AKAP6: variants seen among roughly 807,000 people sequenced by gnomAD.
The protein encoded by AKAP6 is A-kinase anchoring protein 6, also known as A-kinase anchor protein 6.
AKAP6 carries 58 observed loss-of-function variants against 188.5 expected under a neutral mutation model. The observed-to-expected ratio is 0.31, with a 90% CI of 0.25 to 0.38. AKAP6 has a LOEUF of 0.38. Ranked by LOEUF, AKAP6 falls within the 10% of genes least tolerant of loss-of-function variation. The pLI is 1.00. For synonymous variants in AKAP6, 989 were observed against 998.6 expected, an observed-to-expected ratio of 0.99 and a Z score of 0.18; for missense variants, 2,710 against 2,740.0, an observed-to-expected ratio of 0.99 and a Z score of 0.24.
intron 1 of AKAP6, among the ~76,000 whole-genome samples, chr14:32,338,958 GAGA>G (rs1174408526): frequency 7.2e-5 from 11 of 152,112 alleles, no homozygotes; most frequent in Non-Finnish European, 1.5e-4. Context: ...GAGCTTTTAA[GAGA>G]AGAACTCTTT....
chr14:32,427,403 T>C (rs1036725139), intron 1 of AKAP6, among the ~76,000 whole-genome samples: 1 of 152,170 alleles, frequency 6.6e-6, no homozygotes, highest in Non-Finnish European at 1.5e-5. Context: ...TAAGTACAGA[T>C]TTAACTTAAT....
At chr14:32,804,549 A>T (rs2034038929) in intron 12 of AKAP6, among the ~76,000 whole-genome samples, 1 of 152,230 alleles carries the variant, frequency 6.6e-6, no homozygotes, top group Non-Finnish European at 1.5e-5. Flanking sequence ...AGGGAACAGG[A>T]CAAAAGGCAA....
At chr14:32,716,665 T>TTATCTATC (rs59039609) in intron 9 of AKAP6, among the ~76,000 whole-genome samples, 46,316 of 143,288 alleles carry the variant, frequency 0.32, 7,649 homozygotes, top group Non-Finnish European at 0.33. Flanking sequence ...ATGGTATACA[T>TTATCTATC]TATCTATCTA....
At chr14:32,407,611 C>T (rs1889339727) in intron 1 of AKAP6, among the ~76,000 whole-genome samples, 1 of 152,202 alleles carries the variant, frequency 6.6e-6, no homozygotes, top group African/African-American at 2.4e-5. Flanking sequence ...TTCAGTTTCT[C>T]TGCTTCTTCC....
At chr14:32,612,930 A>C (rs1886414165) in intron 7 of AKAP6, among the ~76,000 whole-genome samples, 1 of 152,212 alleles carries the variant, frequency 6.6e-6, no homozygotes, top group African/African-American at 2.4e-5. Flanking sequence ...ATTGACATAA[A>C]TTCAAAGGGC....
Position 32,546,231 on chromosome 14 carries a change from C to T in AKAP6, c.1578C>T (p.Ser526=). 1.2e-6 allele frequency: 2 copies of T among 1,614,136 alleles called. No individual in the cohort carries two copies. The highest frequency in any genetic ancestry group is 2.2e-5 in the East Asian group (1 of 44,872). ...GCAAACAAGCTAAAAATACAAAGAG[C>T]TCAGCAGTGCCAAATGGAGAGCTTT... ...GSGKQAKNTK[S]SAVPNGELSY... Residue 526 remains serine, a synonymous_variant, in exon 4 of 14, where the codon AGC becomes AGT. Coordinates refer to ENST00000280979, the MANE Select transcript of AKAP6 (RefSeq NM_004274.5).
At position 32,596,341 on chromosome 14, in the gene AKAP6, A is replaced by G. The variant is rs187531036; in HGVS notation, c.2470-3069A>G. Among the ~76,000 whole-genome samples the G allele has an allele frequency of 2.7e-4, 41 of 152,362 alleles. No homozygotes were observed. The East Asian group carries it at 7.1e-3, about 27-fold the overall frequency. On this transcript the variant is annotated intron_variant, in intron 5 of 13. Coordinates refer to ENST00000280979, the MANE Select transcript of AKAP6 (RefSeq NM_004274.5). ...GCTTTGCAAATCTGATCATGACCAA[A>G]GTACAATCAGTGGGAATTCTCAAAG...
chr14:32,626,376 A>C (rs1887022781), intron 7 of AKAP6, among the ~76,000 whole-genome samples: 1 of 152,030 alleles, frequency 6.6e-6, no homozygotes, highest in African/African-American at 2.4e-5. Context: ...TTTTTAAAAT[A>C]TACTAATCAC....
chr14:32,583,867 G>T (rs1885102141), intron 5 of AKAP6, among the ~76,000 whole-genome samples: 1 of 152,178 alleles, frequency 6.6e-6, no homozygotes, highest in Admixed American at 6.5e-5. Flanking sequence ...TGATTTTCCA[G>T]GTGCCATCTG....
At chr14:32,801,202 T>C (rs2033938896) in intron 12 of AKAP6, among the ~76,000 whole-genome samples, 1 of 152,214 alleles carries the variant, frequency 6.6e-6, no homozygotes, top group African/African-American at 2.4e-5. Context: ...TCATTGCATT[T>C]GTTCTTTCTT....
chr14:32,749,211 T>C (rs1409338859), intron 11 of AKAP6, among the ~76,000 whole-genome samples: 1 of 152,164 alleles, frequency 6.6e-6, no homozygotes, highest in Non-Finnish European at 1.5e-5. Context: ...TAAATTTAGG[T>C]TTTTTTGATT....
At chr14:32,571,637 G>A (rs922589962) in intron 4 of AKAP6, among the ~76,000 whole-genome samples, 6 of 152,206 alleles carry the variant, frequency 3.9e-5, no homozygotes, top group African/African-American at 7.2e-5. Flanking sequence ...TCTAGACTGA[G>A]TCAGACATCA....
Position 32,599,390 on chromosome 14 carries a change from G to A in AKAP6, c.2470-20G>A. On this transcript the variant is annotated intron_variant, in intron 5 of 13. Coordinates refer to ENST00000280979, the MANE Select transcript of AKAP6 (RefSeq NM_004274.5). ...TGTAACTGCCTTGCCAGGGTTTAAT[G>A]TTCATATTTTTCCTTGCAGAGTTTT... 1 of 1,600,560 alleles carries A rather than the reference G, an allele frequency of 6.2e-7. No individual in the cohort carries two copies.
At chr14:32,351,722 C>T (rs1336923379) in intron 1 of AKAP6, among the ~76,000 whole-genome samples, 10 of 151,490 alleles carry the variant, frequency 6.6e-5, no homozygotes, top group South Asian at 2.1e-4. Flanking sequence ...GCTAGCTAGC[C>T]GAAGTTGTTA....
intron 11 of AKAP6, among the ~76,000 whole-genome samples, chr14:32,744,405 C>T (rs563255207): frequency 7.2e-5 from 11 of 152,068 alleles, no homozygotes; most frequent in South Asian, 4.2e-4. Flanking sequence ...CAAACTCCAC[C>T]TCCTGGGTTC....
intron 1 of AKAP6, among the ~76,000 whole-genome samples, chr14:32,404,712 T>A (rs866812390): frequency 6.0e-3 from 63 of 10,492 alleles, no homozygotes; most frequent in Non-Finnish European, 0.014. Flanking sequence ...ATATATATAT[T>A]AGTCAGAATG....
chr14:32,527,311 A>G (rs1019056485), intron 2 of AKAP6, among the ~76,000 whole-genome samples: 1 of 152,206 alleles, frequency 6.6e-6, no homozygotes, highest in African/African-American at 2.4e-5. Context: ...TATTGTCTAG[A>G]TATACCAAAG....
At chr14:32,508,892 C>A (rs1266462643) in intron 2 of AKAP6, among the ~76,000 whole-genome samples, 1 of 151,060 alleles carries the variant, frequency 6.6e-6, no homozygotes, top group Non-Finnish European at 1.5e-5. Context: ...GTGGTGCAAT[C>A]TCGGCTCACT....
intron 1 of AKAP6, among the ~76,000 whole-genome samples, chr14:32,414,321 T>C (rs1002512448): frequency 1.3e-5 from 2 of 152,310 alleles, no homozygotes; most frequent in Non-Finnish European, 2.9e-5. Flanking sequence ...TGGAAAAGAC[T>C]GAATTACAGA....
Sources: gnomAD v4.1 joint callset for allele counts (sites outside exome capture counted in the v4.1 genomes callset) on GRCh38, gnomAD v4.1.1 for gene constraint, MANE v1.5 for transcripts, NCBI Gene and HGNC (gene_info 2026-07-23, HGNC 2026-07-21) for gene names.